ABCA3: variants seen among roughly 807,000 people sequenced by gnomAD.
ABCA3 encodes phospholipid-transporting ATPase ABCA3.
ABCA3 carries 88 observed loss-of-function variants against 172.8 expected under a neutral mutation model. The ratio of observed to expected loss-of-function variants is 0.51; its 90% CI spans 0.43 to 0.61. ABCA3 has a LOEUF of 0.61. Ranked by LOEUF, ABCA3 falls within the 20% of genes least tolerant of loss-of-function variation. The pLI is 0.00. For missense variants in ABCA3, 2,164 were observed against 2,301.0 expected (o/e 0.94, Z 1.22); for synonymous variants, 1,066 against 983.8 (o/e 1.08, Z -1.56).
At chr16:2,295,793 A>T in intron 17 of ABCA3, 53 bp from the exon 18 acceptor site, 1 of 1,611,962 alleles carries the variant, frequency 6.2e-7, no homozygotes, top group Admixed American at 1.7e-5. Context: ...AGGTCTCTTC[A>T]TGCCCACCCC....
chr16:2,295,658 G>C lies in ABCA3; in HGVS notation c.2346C>G (p.Pro782=). 1.9e-6 allele frequency: 3 copies of C among 1,614,054 alleles called. No individual in the cohort carries two copies. Among genetic ancestry groups the C allele is most frequent in the Non-Finnish European group, 2.5e-6 (3 of 1,180,048 alleles). The stretch of plus-strand genomic sequence containing the variant: ...CAGCGCTGCTCTCCAGCGTGGCGTT[G>C]GGCACGTGGTGGTGGACCAGCTGGG... ...DISQLVHHHV[P]NATLESSAGA... Residue 782 remains proline, a synonymous_variant, in exon 18 of 33, where the codon CCC becomes CCG. Transcript: ENST00000301732.
rs11863626 is a variant in ABCA3, at chr16:2,315,763, A to G, written c.1111+1520T>C. Among the ~76,000 whole-genome samples, 1,141 of 152,046 alleles carry G rather than the reference A, an allele frequency of 7.5e-3. 13 individuals carry two copies. The highest frequency in any genetic ancestry group is 0.025 in the African/African-American group (1,046 of 41,464). ...ACTGCAACATCCGCCACCTGGGCTT[A>G]AGCAATGCTCCCACCTCAGCCTCCC... On this transcript the variant is annotated intron_variant, in intron 10 of 32. Coordinates refer to ENST00000301732, the MANE Select transcript of ABCA3 (RefSeq NM_001089.3).
Position 2,319,591 on chromosome 16 carries a change from C to A in ABCA3, c.863G>T (p.Arg288Met). Residue 288 changes from arginine (R) to methionine (M), a missense_variant, in exon 8 of 33, where the codon AGG (arginine) becomes ATG (methionine). By Grantham distance (91) the Arg-to-Met change is moderately conservative (BLOSUM62 -1). Around this residue, in one of 3 missense-constraint regions of ABCA3, gnomAD observed 1,343 missense variants for 1,369.6 expected, o/e 0.98. Transcript: ENST00000301732. The part of the protein sequence containing the change: ...IARAVVQEKE[R>M]RLKEYMRMMG... Reference sequence around the variant, plus strand: ...AAAGCGGGCAGTCACCTTCAGCCTCCTTTCCTTCTCCTGCACGACAGCACG... The same window carrying A: ...AAAGCGGGCAGTCACCTTCAGCCTCATTTCCTTCTCCTGCACGACAGCACG... 1 of 1,612,212 alleles carries A rather than the reference C, an allele frequency of 6.2e-7. No individual in the cohort carries two copies.
chr16:2,285,599 G>A lies in ABCA3; in HGVS notation c.3326C>T (p.Ala1109Val). The A allele has an allele frequency of 6.4e-7, 1 of 1,559,340 alleles. No homozygotes were observed. The highest frequency in any genetic ancestry group is 2.4e-5 in the East Asian group (1 of 41,614). ...DIALNLLFAM[A>V]FLASTFSILA... ...GATGGAGAACGTGCTGGCCAAGAAT[G>A]CCATGGCGAAGAGCAGGTTGAGGGC... The change falls in exon 23 of 33, where the codon GCA becomes GTA. Residue 1109 changes from alanine to valine, a missense_variant. Physicochemically the swap from Ala to Val is moderately conservative, Grantham distance 64 (BLOSUM62 0). Coordinates refer to ENST00000301732, the MANE Select transcript of ABCA3 (RefSeq NM_001089.3). The surrounding 1 kb of genome is among the most constrained non-coding windows in gnomAD (Gnocchi z 4.7).
chr16:2,319,936 T>C (rs546735751), intron 7 of ABCA3, 96 bp from the exon 8 acceptor site: 1 of 1,546,302 alleles, frequency 6.5e-7, no homozygotes, highest in African/African-American at 1.4e-5. Flanking sequence ...AAGAGATGCT[T>C]GGGGCAACAG....
intron 9 of ABCA3, 95 bp from the exon 10 acceptor site, chr16:2,317,498 C>CGAGAG: frequency 6.3e-7 from 1 of 1,597,672 alleles, no homozygotes. Context: ...GCGGCTCCAC[C>CGAGAG]GAGAGGAGTG....
chr16:2,283,006 G>A lies in ABCA3; in HGVS notation c.4035+180C>T, dbSNP rs1010665373. Reference sequence around the variant, plus strand: ...CAACTCGACAGCCCTTGTGAGTGGCGAGGGCTGTGCCCCGCCCTGGCTGTA... The same window carrying A: ...CAACTCGACAGCCCTTGTGAGTGGCAAGGGCTGTGCCCCGCCCTGGCTGTA... On this transcript the variant is annotated intron_variant, in intron 26 of 32. Coordinates refer to ENST00000301732, the MANE Select transcript of ABCA3 (RefSeq NM_001089.3). This position sits in a 1 kb window ranked among gnomAD's most constrained non-coding sequence, Gnocchi z 5.4. 6.6e-6 allele frequency among the ~76,000 whole-genome samples: 1 copy of A among 152,194 alleles called. No homozygotes were observed. The highest frequency in any genetic ancestry group is 1.5e-5 in the Non-Finnish European group (1 of 68,028).
intron 19 of ABCA3, among the ~76,000 whole-genome samples, chr16:2,291,560 G>A (rs1418401844): frequency 2.6e-5 from 4 of 152,328 alleles, no homozygotes; most frequent in South Asian, 2.1e-4. Flanking sequence ...CTCTGACGCC[G>A]TGTGCCAGCT....
chr16:2,310,436 A>G (rs1418081094), intron 10 of ABCA3, among the ~76,000 whole-genome samples: 1 of 151,736 alleles, frequency 6.6e-6, no homozygotes, highest in Admixed American at 6.6e-5. Context: ...AAAAACAAAC[A>G]AACAAACAAA....
At chr16:2,307,722 C>T (rs1451478596) in intron 11 of ABCA3, among the ~76,000 whole-genome samples, 6 of 152,162 alleles carry the variant, frequency 3.9e-5, no homozygotes, top group African/African-American at 1.4e-4. Flanking sequence ...TCTCCTGCCT[C>T]AGCCTCTCGA....
intron 11 of ABCA3, among the ~76,000 whole-genome samples, chr16:2,307,947 G>A (rs924275596): frequency 2.0e-5 from 3 of 152,182 alleles, no homozygotes; most frequent in African/African-American, 7.2e-5. Flanking sequence ...AGCTGGAAGA[G>A]GCCAGATGTG....
rs1332231193 is a variant in ABCA3, at chr16:2,328,672, C to T, written c.-246G>A. The T allele has an allele frequency of 5.5e-5, 23 of 416,336 alleles. No individual in the cohort carries two copies. The highest frequency in any genetic ancestry group is 2.4e-4 in the South Asian group (14 of 59,416). 25.8% of individuals were successfully genotyped at this position (416,336 alleles called of 1,614,324 possible). ...ACTGCAGGCAGAGAGGAGTCCTTCC[C>T]GCTCAGCGTCCTTCATGTGCGGAAA... On this transcript the variant is annotated 5_prime_UTR_variant, in exon 3 of 33. Coordinates refer to ENST00000301732, the MANE Select transcript of ABCA3 (RefSeq NM_001089.3).
Position 2,284,288 on chromosome 16 carries a change from T to C in ABCA3, c.3853A>G (p.Lys1285Glu). Residue 1285 changes from lysine (K) to glutamate (E), a missense_variant, in exon 25 of 33, where the codon AAG (lysine) becomes GAG (glutamate). Physicochemically the swap from Lys to Glu is moderately conservative, Grantham distance 56 (BLOSUM62 1). Transcript: ENST00000301732. This position sits in a 1 kb window ranked among gnomAD's most constrained non-coding sequence, Gnocchi z 5.9. ...TSSEVAAHYC[K>E]KYNIQYQENF... ...GGGCTGGGACACTCACTATATTTCTTGCAGTAGTGGGCGGCGACCTCGGAG... is the reference window on the plus strand; with the variant it reads ...GGGCTGGGACACTCACTATATTTCTCGCAGTAGTGGGCGGCGACCTCGGAG... The C allele has an allele frequency of 3.1e-6, 5 of 1,613,504 alleles. No individual in the cohort carries two copies. In the South Asian group the frequency reaches 4.4e-5, roughly 14 times the overall value.
At position 2,297,230 on chromosome 16, in the gene ABCA3, C is replaced by T. The variant is rs2093681164; in HGVS notation, c.2263+99G>A. 16 of 1,373,968 alleles carry T rather than the reference C, an allele frequency of 1.2e-5. No individual in the cohort carries two copies. Among genetic ancestry groups the T allele is most frequent in the Non-Finnish European group, 1.4e-5 (14 of 992,102 alleles). The allele number at this position is 1,373,968 out of a possible 1,614,324, so 85.1% of individuals were successfully genotyped here. ...CAGACAGGAAGTCTAGAAAAGGCCA[C>T]CCCTGCCTGATCTGAGGGCCCTTCA... On this transcript the variant is annotated intron_variant, in intron 17 of 32. Coordinates refer to ENST00000301732, the MANE Select transcript of ABCA3 (RefSeq NM_001089.3). The surrounding 1 kb of genome is among the most constrained non-coding windows in gnomAD (Gnocchi z 5.6).
At position 2,278,484 on chromosome 16, in the gene ABCA3, G is replaced by T; in HGVS notation, c.4548-26C>A. On this transcript the variant is annotated intron_variant, in intron 29 of 32. Coordinates refer to ENST00000301732, the MANE Select transcript of ABCA3 (RefSeq NM_001089.3). The surrounding 1 kb of genome is among the most constrained non-coding windows in gnomAD (Gnocchi z 4.4). ...CTAGAGGCAGGAGGGTGCCAGGTGG[G>T]GGAATAAGGCTGAGAGTTAGCATTG... The T allele has an allele frequency of 1.9e-6, 3 of 1,607,828 alleles. No individual in the cohort carries two copies. Among genetic ancestry groups the T allele is most frequent in the South Asian group, 2.2e-5 (2 of 91,080 alleles).
At chr16:2,288,490 G>C (rs938609627) in intron 20 of ABCA3, among the ~76,000 whole-genome samples, 161 bp from the exon 21 acceptor site, 1 of 152,228 alleles carries the variant, frequency 6.6e-6, no homozygotes, top group Non-Finnish European at 1.5e-5. Flanking sequence ...CGTGGGAGGA[G>C]CTCAGTGCAC....
At chr16:2,306,385 G>C (rs1355494228) in intron 11 of ABCA3, among the ~76,000 whole-genome samples, 1 of 152,136 alleles carries the variant, frequency 6.6e-6, no homozygotes, top group African/African-American at 2.4e-5. Context: ...CAACACACGA[G>C]TAAACATGGA....
chr16:2,336,783 A>G (rs1269090407), intron 1 of ABCA3, among the ~76,000 whole-genome samples: 1 of 151,928 alleles, frequency 6.6e-6, no homozygotes, highest in Admixed American at 6.6e-5. Flanking sequence ...GGGACTTAGG[A>G]TTCAATGAGA....
chr16:2,323,384 A>G, intron 7 of ABCA3, 139 bp downstream of exon 7: 1 of 1,102,076 alleles, frequency 9.1e-7, no homozygotes. Context: ...TATTCACAAC[A>G]GCAAAGACTT....
Sources: allele counts gnomAD v4.1 joint callset (sites outside exome capture counted in the v4.1 genomes callset), GRCh38; gene constraint gnomAD v4.1.1; regional missense constraint gnomAD v4.1.1; non-coding constraint Gnocchi (gnomAD v3.1); transcripts MANE v1.5; gene names NCBI Gene and HGNC (gene_info 2026-07-23, HGNC 2026-07-21).